The following TLN2 variants were observed in gnomAD, a reference collection of about 807,000 sequenced individuals.
TLN2 encodes talin-2.
TLN2 carries 118 observed loss-of-function variants against 294.7 expected under a neutral mutation model. That is an observed-to-expected ratio of 0.40 (90% CI 0.34 to 0.47). TLN2 has a LOEUF of 0.47. Among genes scored for constraint, TLN2 ranks in the 20% least tolerant of loss-of-function variants. TLN2 has a pLI of 0.84. For missense variants in TLN2, 3,083 were observed against 3,282.2 expected, an observed-to-expected ratio of 0.94 and a Z score of 1.48; for synonymous variants, 1,431 against 1,304.5, an observed-to-expected ratio of 1.10 and a Z score of -2.09.
intron 48 of TLN2, among the ~76,000 whole-genome samples, chr15:62,800,075 G>C (rs2065820190): frequency 1.3e-5 from 2 of 152,330 alleles, no homozygotes; most frequent in East Asian, 3.9e-4. Flanking sequence ...TGTGCTGTCA[G>C]AGGCAGCTCA....
At chr15:62,671,070 A>G (rs1396545624) in intron 9 of TLN2, among the ~76,000 whole-genome samples, 1 of 152,116 alleles carries the variant, frequency 6.6e-6, no homozygotes, top group South Asian at 2.1e-4. Context: ...CCTATTGGCC[A>G]TTTGTATCTC....
chr15:62,810,200 C>T (rs1045467430), intron 52 of TLN2, among the ~76,000 whole-genome samples, 168 bp downstream of exon 52: 1 of 152,172 alleles, frequency 6.6e-6, no homozygotes, highest in Non-Finnish European at 1.5e-5. Context: ...ACTGATCCGG[C>T]ACACTGAGCT....
At chr15:62,520,068 G>A (rs1049769306) in intron 1 of TLN2, among the ~76,000 whole-genome samples, 2 of 152,178 alleles carry the variant, frequency 1.3e-5, no homozygotes, top group Admixed American at 6.5e-5. Context: ...CAGATCTTGT[G>A]AGACTTATTC....
At chr15:62,416,886 G>T (rs1459510233) in intron 1 of TLN2, among the ~76,000 whole-genome samples, 3 of 152,180 alleles carry the variant, frequency 2.0e-5, no homozygotes, top group Admixed American at 2.0e-4. Flanking sequence ...AAAATGAGGA[G>T]TTGGACTGGA....
intron 1 of TLN2, among the ~76,000 whole-genome samples, chr15:62,527,488 G>T (rs1013199954): frequency 2.0e-5 from 3 of 152,142 alleles, no homozygotes; most frequent in Admixed American, 1.3e-4. Context: ...AGGGTCCCTG[G>T]CCTCTCACGT....
At chr15:62,526,558 G>T (rs1428445823) in intron 1 of TLN2, among the ~76,000 whole-genome samples, 1 of 152,142 alleles carries the variant, frequency 6.6e-6, no homozygotes, top group Admixed American at 6.5e-5. Context: ...TGCCTGGTTA[G>T]TTACAGTCAT....
chr15:62,766,550 T>G, intron 41 of TLN2, 128 bp downstream of exon 41: 1 of 784,574 alleles, frequency 1.3e-6, no homozygotes, highest in South Asian at 2.1e-5. Flanking sequence ...CAATGCTCGT[T>G]TAAGCTGCAG....
intron 28 of TLN2, among the ~76,000 whole-genome samples, chr15:62,735,018 A>G (rs2060930664): frequency 6.6e-6 from 1 of 152,196 alleles, no homozygotes. Context: ...AGAGACACTG[A>G]TTTGCGTATT....
intron 1 of TLN2, among the ~76,000 whole-genome samples, chr15:62,497,190 T>C (rs1484500905): frequency 6.6e-6 from 1 of 152,204 alleles, no homozygotes; most frequent in Non-Finnish European, 1.5e-5. Flanking sequence ...TCAATAAATG[T>C]TCGCTGAGGG....
intron 40 of TLN2, among the ~76,000 whole-genome samples, chr15:62,764,324 A>G (rs2062859197): frequency 1.3e-5 from 2 of 151,920 alleles, no homozygotes; most frequent in South Asian, 4.2e-4. Flanking sequence ...TTCTATCTCT[A>G]CCGAAAGCAC....
intron 52 of TLN2, among the ~76,000 whole-genome samples, chr15:62,810,661 A>G (rs1043378176): frequency 1.3e-5 from 2 of 152,108 alleles, no homozygotes; most frequent in South Asian, 4.1e-4. Flanking sequence ...TGCAGTTCCT[A>G]AGGAGGCGTG....
chr15:62,582,195 TACAC>T (rs67748452), intron 1 of TLN2, among the ~76,000 whole-genome samples: 3,655 of 66,310 alleles, frequency 0.055, 72 homozygotes, highest in Middle Eastern at 0.091. Flanking sequence ...TGTGTATGCA[TACAC>T]ACACACACAC....
chr15:62,529,049 A>T (rs1366620801), intron 1 of TLN2, among the ~76,000 whole-genome samples: 1 of 151,772 alleles, frequency 6.6e-6, no homozygotes, highest in Non-Finnish European at 1.5e-5. Flanking sequence ...TTGGGGATGG[A>T]TTATCAGAAG....
chr15:62,703,433 C>A (rs567160440), intron 19 of TLN2, among the ~76,000 whole-genome samples: 1 of 151,944 alleles, frequency 6.6e-6, no homozygotes, highest in Non-Finnish European at 1.5e-5. Context: ...GCTGGACATT[C>A]TTTAATCACA....
intron 31 of TLN2, 174 bp from the exon 32 acceptor site, chr15:62,740,456 A>G (rs2061263935): frequency 1.4e-6 from 1 of 720,880 alleles, no homozygotes; most frequent in South Asian, 2.0e-5. Context: ...CTGTTTGGAG[A>G]AGGGTAGACA....
rs545640014 is a variant in TLN2 at position 62,777,567 on chromosome 15, T to C, written c.5514+657T>C. Reference sequence around the variant, plus strand: ...AAAAGTGATTCCCAAGTGCTAGTTTTTGGAATGGCTATTTTGGAATCATGT... The same window carrying C: ...AAAAGTGATTCCCAAGTGCTAGTTTCTGGAATGGCTATTTTGGAATCATGT... On this transcript the variant is annotated intron_variant, in intron 43 of 58. Coordinates refer to ENST00000636159, the MANE Select transcript of TLN2 (RefSeq NM_015059.3). Among the ~76,000 whole-genome samples the C allele has an allele frequency of 2.0e-5, 3 of 152,198 alleles. No homozygotes were observed. In the South Asian group the frequency reaches 6.2e-4, roughly 32 times the overall value.
Position 62,762,345 on chromosome 15 carries a change from C to T in TLN2, c.4853C>T (p.Thr1618Ile). The change falls in exon 39 of 59, where the codon ACT becomes ATT. Residue 1618 changes from threonine to isoleucine, a missense_variant. Physicochemically the swap from Thr to Ile is moderately conservative, Grantham distance 89. Transcript: ENST00000636159. ...MLESSSYLIR[T>I]ARSLAINPKD... ...GAGAGTTCATCGTACCTCATTCGCA[C>T]TGCACGCTCTCTGGCCATCAACCCC... The T allele has an allele frequency of 2.5e-6, 4 of 1,614,228 alleles. No homozygotes were observed. Among genetic ancestry groups the T allele is most frequent in the East Asian group, 2.2e-5 (1 of 44,880 alleles).
At chr15:62,399,380 G>A (rs763435276) in intron 1 of TLN2, among the ~76,000 whole-genome samples, 2 of 151,916 alleles carry the variant, frequency 1.3e-5, no homozygotes, top group African/African-American at 2.4e-5. Flanking sequence ...GAAAATGTGG[G>A]GTCGGAACCC....
At chr15:62,680,084 G>A (rs1161182202) in intron 11 of TLN2, among the ~76,000 whole-genome samples, 1 of 152,162 alleles carries the variant, frequency 6.6e-6, no homozygotes, top group East Asian at 1.9e-4. Context: ...TAGCTATAAA[G>A]TAAGCCCTAA....
Sources: gnomAD v4.1 joint callset for allele counts (sites outside exome capture counted in the v4.1 genomes callset) on GRCh38, gnomAD v4.1.1 for gene constraint, MANE v1.5 for transcripts, NCBI Gene and HGNC (gene_info 2026-07-23, HGNC 2026-07-21) for gene names.